Variants in DEAF1 observed in about 807,000 individuals in gnomAD.
DEAF1 encodes DEAF1 transcription factor.
DEAF1 carries 53 observed loss-of-function variants against 58.9 expected under a neutral mutation model. The ratio of observed to expected loss-of-function variants is 0.90; its 90% CI spans 0.72 to 1.13. The LOEUF (loss-of-function observed/expected upper bound fraction) is 1.13. Ranked by LOEUF, DEAF1 falls within the 50% of genes most tolerant of loss-of-function variation. The pLI, the probability that DEAF1 is intolerant of heterozygous loss-of-function variation, is 0.00. For missense variants in DEAF1, 685 were observed against 791.4 expected (o/e 0.87, Z 1.61); for synonymous variants, 385 against 340.4 (o/e 1.13, Z -1.44).
chr11:649,175 C>A (rs750145046), intron 11 of DEAF1, among the ~76,000 whole-genome samples: 1 of 152,102 alleles, frequency 6.6e-6, no homozygotes, highest in Non-Finnish European at 1.5e-5. Context: ...CGCTTGAACC[C>A]GGGAGGCAGA....
intron 11 of DEAF1, among the ~76,000 whole-genome samples, chr11:652,646 T>C (rs868677169): frequency 2.7e-5 from 4 of 148,548 alleles, no homozygotes; most frequent in African/African-American, 7.5e-5. Context: ...AAAAAGAAAA[T>C]AGAGAAGGAG....
At chr11:705,008 AC>A in intron 1 of DEAF1, 1 of 244,872 alleles carries the variant, frequency 4.1e-6, no homozygotes, top group South Asian at 4.6e-5. Flanking sequence ...TGGAGATCAA[AC>A]GGCAAAGGCT....
At chr11:695,894 G>A (rs1861120831), upstream of DEAF1, 1 of 1,211,326 alleles carries the variant, frequency 8.3e-7, no homozygotes, top group Non-Finnish European at 1.0e-6. Flanking sequence ...CGGCGGGCGC[G>A]GCGTTTCCCT....
intron 2 of DEAF1, among the ~76,000 whole-genome samples, chr11:691,124 G>A (rs1860816031): frequency 6.6e-6 from 1 of 152,258 alleles, no homozygotes. Context: ...ATATGGGGGA[G>A]GGAAACGCCT....
intron 10 of DEAF1, among the ~76,000 whole-genome samples, chr11:663,683 C>T (rs745603513): frequency 1.3e-5 from 2 of 151,972 alleles, no homozygotes; most frequent in African/African-American, 2.4e-5. Flanking sequence ...AACTCCTCAG[C>T]GACTGCCTCT....
chr11:649,398 G>A (rs1014101546), intron 11 of DEAF1, among the ~76,000 whole-genome samples: 2 of 150,034 alleles, frequency 1.3e-5, no homozygotes, highest in African/African-American at 4.9e-5. Flanking sequence ...CTCTGGCCTG[G>A]GTGACAGAGA....
Position 681,068 on chromosome 11 carries a change from C to T in DEAF1, c.892G>A (p.Val298Met). ...MTLSGPVRLF[V>M]PYKRRKKENE... ...TCCTTCTTGCGCCTTTTGTAAGGCA[C>T]AAAAAGCCTGACTGGGCCACTCTGG... Residue 298 changes from valine to methionine, a missense_variant, in exon 7 of 12, where the codon GTG becomes ATG. Around this residue, in one of 3 missense-constraint regions of DEAF1, gnomAD observed 343 missense variants for 379.8 expected, o/e 0.90. Coordinates refer to ENST00000382409, the MANE Select transcript of DEAF1 (RefSeq NM_021008.4). 2 of 1,614,026 alleles carry T rather than the reference C, an allele frequency of 1.2e-6. No individual in the cohort carries two copies. The highest frequency in any genetic ancestry group is 1.7e-6 in the Non-Finnish European group (2 of 1,180,008).
At chr11:693,061 C>G (rs904963540) in intron 1 of DEAF1, among the ~76,000 whole-genome samples, 8 of 152,178 alleles carry the variant, frequency 5.3e-5, no homozygotes, top group African/African-American at 1.9e-4. Context: ...GTTACTTAAA[C>G]CTGGAAACCA....
intron 1 of DEAF1, chr11:700,236 G>A: frequency 6.2e-7 from 1 of 1,613,090 alleles, no homozygotes; most frequent in African/African-American, 1.3e-5. Context: ...ACGTATAAAA[G>A]TAAGTCAGGG....
In DEAF1 at chr11:677,368, G is replaced by A. The variant is rs1376715838; in HGVS notation, c.1255+1326C>T. On this transcript the variant is annotated intron_variant, in intron 9 of 11. Coordinates refer to ENST00000382409, the MANE Select transcript of DEAF1 (RefSeq NM_021008.4). ...ACAAAAATTAGCCGGGCATGGTGGC[G>A]CGTGCCTGAAGTCTACACTCCAGCC... 5.8e-5 allele frequency among the ~76,000 whole-genome samples: 6 copies of A among 103,568 alleles called. 2 individuals carry two copies. Among genetic ancestry groups the A allele is most frequent in the African/African-American group, 1.8e-4 (6 of 34,094 alleles). The allele number at this position is 103,568 out of a possible 152,430, so 67.9% of individuals were successfully genotyped here.
intron 1 of DEAF1, chr11:700,995 C>T: frequency 2.1e-6 from 1 of 483,890 alleles, no homozygotes; most frequent in East Asian, 3.8e-5. Flanking sequence ...AAAGCCCAGC[C>T]CACCACCACA....
chr11:695,926 C>T, upstream of DEAF1: 1 of 1,091,010 alleles, frequency 9.2e-7, no homozygotes, highest in Non-Finnish European at 1.2e-6. Context: ...CCGGTTTCCG[C>T]TTTCGGTGCG....
intron 1 of DEAF1, among the ~76,000 whole-genome samples, chr11:692,931 T>C (rs1860897210): frequency 6.6e-6 from 1 of 151,188 alleles, no homozygotes; most frequent in South Asian, 2.1e-4. Context: ...CATCCTCGCC[T>C]CTCAGCACCA....
chr11:656,346 G>C (rs1859055098), intron 10 of DEAF1, among the ~76,000 whole-genome samples: 1 of 151,810 alleles, frequency 6.6e-6, no homozygotes. Context: ...AGTAGAGACG[G>C]GGTTTTGCCC....
At position 661,412 on chromosome 11, in the gene DEAF1, T is replaced by A. The variant is rs1031991336; in HGVS notation, c.1504-7361A>T. On this transcript the variant is annotated intron_variant, in intron 10 of 11. Coordinates refer to ENST00000382409, the MANE Select transcript of DEAF1 (RefSeq NM_021008.4). ...GGCTACATTTGATTTTTTTTTTTTTTAAATTCCAGATAAAAGGCCAGGCAC... is the reference window on the plus strand; with the variant it reads ...GGCTACATTTGATTTTTTTTTTTTTAAAATTCCAGATAAAAGGCCAGGCAC... 9.9e-5 allele frequency among the ~76,000 whole-genome samples: 15 copies of A among 151,646 alleles called. No individual in the cohort carries two copies. In the East Asian group the frequency reaches 1.4e-3, roughly 14 times the overall value.
Position 678,809 on chromosome 11 carries a change from G to A in DEAF1, c.1140C>T (p.Ser380=), listed in dbSNP as rs576550488. 57 of 1,614,062 alleles carry A rather than the reference G, an allele frequency of 3.5e-5. No individual in the cohort carries two copies. The East Asian group carries it at 7.1e-4, about 20-fold the overall frequency. ...GGCTGGCCCTGCATGGGGGCTGCACGCTGGCCTCTTGGACTGTTGGGGAGA... is the reference window on the plus strand; with the variant it reads ...GGCTGGCCCTGCATGGGGGCTGCACACTGGCCTCTTGGACTGTTGGGGAGA... ...VFAGATVQEA[S]VQPPCRASHP... is the part of the protein sequence containing the mutation. The change falls in exon 9 of 12, where the codon AGC becomes AGT. Residue 380 remains serine (S), a synonymous_variant. Transcript: ENST00000382409.
chr11:679,040 C>T lies in DEAF1; in HGVS notation c.1127-218G>A, dbSNP rs549103249. Among the ~76,000 whole-genome samples the T allele has an allele frequency of 3.3e-5, 5 of 152,170 alleles. No individual in the cohort carries two copies. In the East Asian group the frequency reaches 7.7e-4, roughly 24 times the overall value. On this transcript the variant is annotated intron_variant, in intron 8 of 11. Transcript: ENST00000382409. ...TAGATTATAAAAATCAGGCCGGGCG[C>T]GGTGGCTCACGCCTGTAATCCCAGC... is the stretch of plus-strand genomic sequence containing the variant.
chr11:689,636 T>C (rs568773020), intron 2 of DEAF1: 1 of 152,330 alleles, frequency 6.6e-6, no homozygotes, highest in Non-Finnish European at 1.5e-5. Context: ...GGGGTCCTAC[T>C]GCTGTGCCTG....
intron 1 of DEAF1, chr11:694,484 G>C (rs1373625401): frequency 2.9e-6 from 1 of 344,816 alleles, no homozygotes; most frequent in Non-Finnish European, 5.2e-6. Flanking sequence ...AGGTACGTGG[G>C]GAAAGTGTGA....
Sources: allele counts gnomAD v4.1 joint callset (sites outside exome capture counted in the v4.1 genomes callset), GRCh38; gene constraint gnomAD v4.1.1; regional missense constraint gnomAD v4.1.1; transcripts MANE v1.5; gene names NCBI Gene and HGNC (gene_info 2026-07-23, HGNC 2026-07-21).